Variants in CYP3A5 observed in about 807,000 individuals in gnomAD.
CYP3A5 encodes the protein cytochrome P450 family 3 subfamily A member 5, also known as cytochrome P450 3A5.
A neutral mutation model predicts 55.9 loss-of-function variants in CYP3A5; 51 were observed. That is an observed-to-expected ratio of 0.91 (90% CI 0.73 to 1.15). CYP3A5 has a LOEUF of 1.15. Ranked by LOEUF, CYP3A5 falls within the 50% of genes most tolerant of loss-of-function variation. The pLI is 0.00. For synonymous variants in CYP3A5, 196 were observed against 213.9 expected (o/e 0.92, Z 0.73); for missense variants, 533 against 596.6 (o/e 0.89, Z 1.11).
At chr7:99,671,845 T>C in intron 4 of CYP3A5, 1 of 702,942 alleles carries the variant, frequency 1.4e-6, no homozygotes, top group East Asian at 2.7e-5. Context: ...ACGGAATGGG[T>C]CTGCATCTTG....
intron 3 of CYP3A5, 43 bp from the exon 4 acceptor site, chr7:99,672,722 T>C: frequency 6.2e-7 from 1 of 1,611,904 alleles, no homozygotes; most frequent in Non-Finnish European, 8.5e-7. Context: ...ACTAGCCCGA[T>C]TCTGCAGCTG....
At position 99,679,961 on chromosome 7, in the gene CYP3A5, G is replaced by A. The variant is rs1163863568; in HGVS notation, c.-65C>T. On this transcript the variant is annotated 5_prime_UTR_variant, in exon 1 of 13. Coordinates refer to ENST00000222982, the MANE Select transcript of CYP3A5 (RefSeq NM_000777.5). ...TTTTAGCTGAGTGCTGCTGTTTGCT[G>A]GGCTGTTTGCCTGGAGCTTCCCTGC... 1.4e-6 allele frequency: 2 copies of A among 1,448,736 alleles called. No homozygotes were observed. Among genetic ancestry groups the A allele is most frequent in the Non-Finnish European group, 1.9e-6 (2 of 1,029,834 alleles). The allele number at this position is 1,448,736 out of a possible 1,614,324, so 89.7% of individuals were successfully genotyped here. A position where few individuals can be genotyped will look rare whatever the true frequency, so the allele number is the denominator to read the frequency against.
chr7:99,650,397 T>C (rs981395422), intron 11 of CYP3A5, among the ~76,000 whole-genome samples, 165 bp from the exon 12 acceptor site: 4 of 152,222 alleles, frequency 2.6e-5, no homozygotes, highest in Non-Finnish European at 4.4e-5. Context: ...TATTTCGTTA[T>C]AATCATCATA....
At chr7:99,671,125 G>A (rs1811573687) in intron 4 of CYP3A5, 1 of 94,246 alleles carries the variant, frequency 1.1e-5, no homozygotes, top group East Asian at 3.1e-4. Context: ...ATTTGTGTGT[G>A]TGTGTGTGTG....
At chr7:99,649,187 C>T (rs1254795596) in intron 12 of CYP3A5, among the ~76,000 whole-genome samples, 2 of 152,168 alleles carry the variant, frequency 1.3e-5, no homozygotes, top group Non-Finnish European at 2.9e-5. Flanking sequence ...GCCAGAGGCC[C>T]ACTTTCTCTC....
At chr7:99,663,378 G>T in intron 8 of CYP3A5, 2 of 991,222 alleles carry the variant, frequency 2.0e-6, no homozygotes, top group Non-Finnish European at 2.4e-6. Context: ...TGGGTTACCT[G>T]GTCCTGTCTC....
chr7:99,660,243 T>TAATTATAAA, intron 10 of CYP3A5: 1 of 958,430 alleles, frequency 1.0e-6, no homozygotes, highest in Non-Finnish European at 1.2e-6. Flanking sequence ...TTTTTTTTTT[T>TAATTATAAA]TTACTTAGCA....
In CYP3A5 at chr7:99,653,805, A is replaced by G. The variant is rs538544652; in HGVS notation, c.1027-1026T>C. ...TGAAAACTGTGGATGATATGTACCT[A>G]GCACTTGGTGTTATATTTGGGAGGC... On this transcript the variant is annotated intron_variant, in intron 10 of 12. Coordinates refer to ENST00000222982, the MANE Select transcript of CYP3A5 (RefSeq NM_000777.5). The surrounding 1 kb of genome is among the most constrained non-coding windows in gnomAD (Gnocchi z 4.2). Among the ~76,000 whole-genome samples, 1 of 152,320 alleles carries G rather than the reference A, an allele frequency of 6.6e-6. No individual in the cohort carries two copies. The highest frequency in any genetic ancestry group is 6.5e-5 in the Admixed American group (1 of 15,302).
intron 10 of CYP3A5, among the ~76,000 whole-genome samples, chr7:99,658,099 T>C (rs1809966715): frequency 6.6e-6 from 1 of 152,202 alleles, no homozygotes; most frequent in African/African-American, 2.4e-5. Context: ...TTAATATTTT[T>C]ATATGTGAAT....
At position 99,676,153 on chromosome 7, in the gene CYP3A5, G is replaced by T; in HGVS notation, c.127C>A (p.Pro43Thr). 6.2e-7 allele frequency: 1 copy of T among 1,613,886 alleles called. No homozygotes were observed. The highest frequency in any genetic ancestry group is 8.5e-7 in the Non-Finnish European group (1 of 1,179,928). Residue 43 changes from proline (P) to threonine (T), a missense_variant, in exon 2 of 13, where the codon CCT becomes ACT. Coordinates refer to ENST00000222982, the MANE Select transcript of CYP3A5 (RefSeq NM_000777.5). ...AAAACATTTCCCAACAAAGGCAGAG[G>T]TGTGGGCCCTGGAATTCCCAGTCTC... ...FKRLGIPGPT[P>T]LPLLGNVLSY...
chr7:99,662,135 A>G lies in CYP3A5; in HGVS notation c.865+681T>C, dbSNP rs1331840242. 6.6e-6 allele frequency among the ~76,000 whole-genome samples: 1 copy of G among 152,240 alleles called. No individual in the cohort carries two copies. Among genetic ancestry groups the G allele is most frequent in the Non-Finnish European group, 1.5e-5 (1 of 68,040 alleles). ...TAGACATGGACATGTTTAAAGTGGT[A>G]TACTGGAGTCTGCTGAGTCCTGCTC... On this transcript the variant is annotated intron_variant, in intron 9 of 12. Coordinates refer to ENST00000222982, the MANE Select transcript of CYP3A5 (RefSeq NM_000777.5). This position sits in a 1 kb window ranked among gnomAD's most constrained non-coding sequence, Gnocchi z 4.3.
rs142464820 is a variant in CYP3A5 at position 99,649,106 on chromosome 7, A to G, written c.1414-706T>C. ...TTCAGTGAGGGGAAAGCAAATTGCC[A>G]TGGATACAAAGAAGTGCCAGCCTGA... On this transcript the variant is annotated intron_variant, in intron 12 of 12. Coordinates refer to ENST00000222982, the MANE Select transcript of CYP3A5 (RefSeq NM_000777.5). Among the ~76,000 whole-genome samples, 890 of 152,316 alleles carry G rather than the reference A, an allele frequency of 5.8e-3. 7 individuals are homozygous for G. Among genetic ancestry groups the G allele is most frequent in the African/African-American group, 0.021 (857 of 41,582 alleles).
At chr7:99,650,589 A>G (rs933176649) in intron 11 of CYP3A5, among the ~76,000 whole-genome samples, 5 of 152,192 alleles carry the variant, frequency 3.3e-5, no homozygotes, top group Non-Finnish European at 7.3e-5. Context: ...TCCTGCCTCA[A>G]CTCACACTTG....
At chr7:99,665,574 G>A (rs1810918653) in intron 6 of CYP3A5, among the ~76,000 whole-genome samples, 1 of 152,230 alleles carries the variant, frequency 6.6e-6, no homozygotes, top group African/African-American at 2.4e-5. Flanking sequence ...CCAGTCATAG[G>A]AAGACAGAGA....
chr7:99,666,779 G>A, intron 5 of CYP3A5, 90 bp from the exon 6 acceptor site: 1 of 1,603,368 alleles, frequency 6.2e-7, no homozygotes, highest in Non-Finnish European at 8.5e-7. Flanking sequence ...AGCAGTAAGT[G>A]ACATTTTGTA....
Position 99,652,779 on chromosome 7 carries a change from C to T in CYP3A5, c.1027G>A (p.Ala343Thr), listed in dbSNP as rs867218057. The change falls in exon 11 of 13, where the codon GCA becomes ACA. Residue 343 changes from alanine (A) to threonine (T), a missense_variant and splice_region_variant. By Grantham distance (58) the Ala-to-Thr change is moderately conservative. Coordinates refer to ENST00000222982, the MANE Select transcript of CYP3A5 (RefSeq NM_000777.5). ...ACCACGGCATCATAGGTAGGTGGTG[C>T]CTGGAAGGAAAGAAACAGAATTGGA... ...KEIDAVLPNKAPPTYDAVVQM... is the reference protein window; with the variant it reads ...KEIDAVLPNKTPPTYDAVVQM... 8 of 1,611,696 alleles carry T rather than the reference C, an allele frequency of 5.0e-6. No homozygotes were observed. The highest frequency in any genetic ancestry group is 6.8e-6 in the Non-Finnish European group (8 of 1,178,426).
intron 9 of CYP3A5, 34 bp from the exon 10 acceptor site, chr7:99,660,693 A>G (rs1178580303): frequency 3.7e-6 from 6 of 1,610,238 alleles, no homozygotes; most frequent in African/African-American, 1.3e-5. Context: ...TAGGTAAATC[A>G]GGTCAACGTA....
In CYP3A5 at chr7:99,648,202, A is replaced by G. The variant is rs1808811981; in HGVS notation, c.*103T>C. 1 of 1,492,544 alleles carries G rather than the reference A, an allele frequency of 6.7e-7. No individual in the cohort carries two copies. Among genetic ancestry groups the G allele is most frequent in the African/African-American group, 1.4e-5 (1 of 71,512 alleles). 92.5% of individuals were successfully genotyped at this position (1,492,544 alleles called of 1,614,324 possible). ...ACCAACTACTCATGCAGTACATTAG[A>G]TTAAGCCCATCTTTATTTCAAGGTT... is the stretch of plus-strand genomic sequence containing the variant. On this transcript the variant is annotated 3_prime_UTR_variant, in exon 13 of 13. Transcript: ENST00000222982.
At chr7:99,660,690 ATCAGG>A in intron 9 of CYP3A5, 31 bp from the exon 10 acceptor site, 1 of 1,611,930 alleles carries the variant, frequency 6.2e-7, no homozygotes, top group Non-Finnish European at 8.5e-7. Context: ...TTTTAGGTAA[ATCAGG>A]TCAACGTACA....
Sources: gnomAD v4.1 joint callset for allele counts (sites outside exome capture counted in the v4.1 genomes callset) on GRCh38, gnomAD v4.1.1 for gene constraint, Gnocchi (gnomAD v3.1) non-coding constraint, MANE v1.5 for transcripts, NCBI Gene and HGNC (gene_info 2026-07-23, HGNC 2026-07-21) for gene names.